Variants in PTPRK observed in about 807,000 individuals in gnomAD.
PTPRK encodes the protein protein tyrosine phosphatase receptor type K.
A neutral mutation model predicts 178.0 loss-of-function variants in PTPRK; 75 were observed. The ratio of observed to expected loss-of-function variants is 0.42; its 90% CI spans 0.35 to 0.51. PTPRK has a LOEUF of 0.51. PTPRK is among the 20% of genes least tolerant of loss of function. The pLI is 0.02. For missense variants in PTPRK, 1,441 were observed against 1,797.8 expected (o/e 0.80, Z 3.59); for synonymous variants, 637 against 620.6 (o/e 1.03, Z -0.39).
chr6:128,138,586 T>A (rs531448738), intron 7 of PTPRK, among the ~76,000 whole-genome samples: 3 of 152,244 alleles, frequency 2.0e-5, no homozygotes, highest in African/African-American at 7.2e-5. Context: ...TCTTATTTTT[T>A]AAAAACAGCT....
intron 7 of PTPRK, among the ~76,000 whole-genome samples, chr6:128,120,045 T>C (rs749098291): frequency 3.3e-5 from 5 of 151,918 alleles, no homozygotes; most frequent in Non-Finnish European, 7.4e-5. Context: ...TCCAATGAAA[T>C]CTGAAAAAAA....
chr6:128,018,193 T>C (rs1779831931), intron 13 of PTPRK, among the ~76,000 whole-genome samples: 1 of 152,098 alleles, frequency 6.6e-6, no homozygotes, highest in African/African-American at 2.4e-5. Context: ...TTTTACATAG[T>C]TACCAATACA....
intron 7 of PTPRK, among the ~76,000 whole-genome samples, chr6:128,092,233 T>C (rs917624875): frequency 1.3e-5 from 2 of 152,094 alleles, no homozygotes; most frequent in African/African-American, 4.8e-5. Flanking sequence ...TTATTTGAAA[T>C]TGACATTTTT....
intron 8 of PTPRK, among the ~76,000 whole-genome samples, chr6:128,086,696 G>T (rs1013458001): frequency 2.0e-5 from 3 of 152,082 alleles, no homozygotes; most frequent in Non-Finnish European, 4.4e-5. Context: ...GGAACATTAA[G>T]ACACATCAAG....
rs9385456 is a variant in PTPRK at position 128,264,443 on chromosome 6, T to G, written c.496-21841A>C. ...ATAAGTCGTCATCATTAAGAATATA[T>G]TTACTTTGGATAGGTCTTTATAGTT... On this transcript the variant is annotated intron_variant, in intron 3 of 29. Transcript: ENST00000368226. 4.4e-3 allele frequency among the ~76,000 whole-genome samples: 665 copies of G among 152,286 alleles called. 44 individuals are homozygous for G. The East Asian group carries it at 0.11, about 24-fold the overall frequency.
intron 7 of PTPRK, among the ~76,000 whole-genome samples, chr6:128,182,395 G>A (rs1300232251): frequency 2.0e-5 from 3 of 152,020 alleles, no homozygotes; most frequent in Non-Finnish European, 4.4e-5. Flanking sequence ...GGGCAACATG[G>A]TGAAACCCAT....
chr6:128,183,600 C>T (rs1332057961), intron 7 of PTPRK, among the ~76,000 whole-genome samples: 1 of 152,170 alleles, frequency 6.6e-6, no homozygotes, highest in Non-Finnish European at 1.5e-5. Flanking sequence ...CTCAGTACTC[C>T]TGGTGGGTAG....
chr6:128,227,864 C>A (rs1035993175), intron 5 of PTPRK, among the ~76,000 whole-genome samples: 3 of 151,592 alleles, frequency 2.0e-5, no homozygotes, highest in Non-Finnish European at 2.9e-5. Flanking sequence ...AAAGAAATAT[C>A]ATTATTAATT....
At chr6:128,252,524 A>G (rs910733090) in intron 3 of PTPRK, among the ~76,000 whole-genome samples, 1 of 152,246 alleles carries the variant, frequency 6.6e-6, no homozygotes, top group Non-Finnish European at 1.5e-5. Context: ...TGAACTGAGA[A>G]TGAATAACTT....
chr6:128,367,759 C>G (rs1835719030), intron 2 of PTPRK, among the ~76,000 whole-genome samples: 1 of 152,058 alleles, frequency 6.6e-6, no homozygotes, highest in Non-Finnish European at 1.5e-5. Context: ...TAACTTGGGC[C>G]TCATTAATAC....
chr6:127,973,023 G>A lies in PTPRK; in HGVS notation c.4268C>T (p.Pro1423Leu), dbSNP rs751611291. 31 of 1,613,584 alleles carry A rather than the reference G, an allele frequency of 1.9e-5. No individual in the cohort carries two copies. Among genetic ancestry groups the A allele is most frequent in the Middle Eastern group, 3.3e-4 (2 of 6,078 alleles). ...CAAATCTAAGATTCTGTGACTCACC[G>A]GGGCTTCCACCATGTTTGGCTTGCT... ...RNSKPNMVEAPEQYRFCYDVA... is the reference protein window; with the variant it reads ...RNSKPNMVEALEQYRFCYDVA... Residue 1423 changes from proline (P) to leucine (L), a missense_variant and splice_region_variant, in exon 29 of 30, where the codon CCG becomes CTG. This residue lies in a region of PTPRK where 335 missense variants were observed against 512.4 expected (regional missense o/e 0.65). Coordinates refer to ENST00000368226, the MANE Select transcript of PTPRK (RefSeq NM_002844.4).
chr6:128,412,823 C>T (rs986904913), intron 1 of PTPRK, among the ~76,000 whole-genome samples: 4 of 152,120 alleles, frequency 2.6e-5, no homozygotes, highest in African/African-American at 9.7e-5. Context: ...AAGCTGTTGG[C>T]ACTAATTCTC....
In PTPRK at chr6:128,089,963, T is replaced by A; in HGVS notation, c.1192A>T (p.Ile398Phe). Residue 398 changes from isoleucine to phenylalanine, a missense_variant, in exon 8 of 30, where the codon ATT becomes TTT. Around this residue, in one of 4 missense-constraint regions of PTPRK, gnomAD observed 945 missense variants for 1,080.6 expected, o/e 0.87. Coordinates refer to ENST00000368226, the MANE Select transcript of PTPRK (RefSeq NM_002844.4). The part of the protein sequence containing the change: ...EPMRTPKTLK[I>F]AEIQARRIAV... ...ATCCGTCTTGCCTGTATTTCAGCAATCTTTAATGTCTTTGGGGTTCTCATA... is the reference window on the plus strand; with the variant it reads ...ATCCGTCTTGCCTGTATTTCAGCAAACTTTAATGTCTTTGGGGTTCTCATA... The A allele has an allele frequency of 6.2e-7, 1 of 1,609,230 alleles. No homozygotes were observed. The highest frequency in any genetic ancestry group is 8.5e-7 in the Non-Finnish European group (1 of 1,175,580).
chr6:128,497,824 T>G (rs1466970205), intron 1 of PTPRK, among the ~76,000 whole-genome samples: 1 of 151,834 alleles, frequency 6.6e-6, no homozygotes, highest in Non-Finnish European at 1.5e-5. Context: ...AAATAAACAG[T>G]AAAATCTCAT....
Position 128,069,099 on chromosome 6 carries a change from T to C in PTPRK, c.1884-1307A>G, listed in dbSNP as rs534963467. ...CCTACAAATAAAAGATCTTCATAGA[T>C]TAAACAAAAGGACATCAAAAGAAAG... On this transcript the variant is annotated intron_variant, in intron 11 of 29. Transcript: ENST00000368226. Among the ~76,000 whole-genome samples the C allele has an allele frequency of 4.9e-4, 75 of 152,278 alleles. 2 individuals are homozygous for C. The South Asian group carries it at 0.015, about 30-fold the overall frequency.
In PTPRK at chr6:127,998,891, A is replaced by G; in HGVS notation, c.2508T>C (p.Ser836=). The change falls in exon 16 of 30, where the codon AGT becomes AGC. Residue 836 remains serine (S), a synonymous_variant. Transcript: ENST00000368226. ...GAAGGCGACTGGACTCTGCTGTAGC[A>G]CTGTGGTTCTCATCTGGCATTTTTC... ...HNFSPRYENH[S]ATAESSRLLD... The G allele has an allele frequency of 6.6e-7, 1 of 1,522,274 alleles. No individual in the cohort carries two copies. Among genetic ancestry groups the G allele is most frequent in the East Asian group, 2.4e-5 (1 of 42,374 alleles). 94.3% of individuals were successfully genotyped at this position (1,522,274 alleles called of 1,614,324 possible).
In PTPRK at chr6:127,981,431, T is replaced by C. The variant is rs918200352; in HGVS notation, c.3538-142A>G. 64 of 668,442 alleles carry C rather than the reference T, an allele frequency of 9.6e-5. 1 individual carries two copies. Among genetic ancestry groups the C allele is most frequent in the Admixed American group, 9.0e-5 (3 of 33,486 alleles). 41.4% of individuals were successfully genotyped at this position (668,442 alleles called of 1,614,324 possible). On this transcript the variant is annotated intron_variant, in intron 24 of 29. Coordinates refer to ENST00000368226, the MANE Select transcript of PTPRK (RefSeq NM_002844.4). ...GGCATTTGCTACTATGACAGGCTGA[T>C]AGACCTTGTAGTTAAAGCTAATGAA... is the stretch of plus-strand genomic sequence containing the variant.
chr6:128,378,647 C>A (rs1837445190), intron 2 of PTPRK, among the ~76,000 whole-genome samples: 1 of 151,982 alleles, frequency 6.6e-6, no homozygotes, highest in Admixed American at 6.6e-5. Context: ...AAATTAGATT[C>A]TAAAATAATT....
At chr6:128,099,734 G>A (rs1446806344) in intron 7 of PTPRK, among the ~76,000 whole-genome samples, 2 of 152,042 alleles carry the variant, frequency 1.3e-5, no homozygotes, top group Non-Finnish European at 2.9e-5. Flanking sequence ...GACAGATAAG[G>A]ACTGCAGGGT....
Sources: allele counts gnomAD v4.1 joint callset (sites outside exome capture counted in the v4.1 genomes callset), GRCh38; gene constraint gnomAD v4.1.1; regional missense constraint gnomAD v4.1.1; transcripts MANE v1.5; gene names NCBI Gene and HGNC (gene_info 2026-07-23, HGNC 2026-07-21).